Variants in RPH3A observed in about 807,000 individuals in gnomAD.
RPH3A encodes rabphilin-3A.
In RPH3A, 48 loss-of-function variants were observed where a neutral mutation model predicts 102.2. That is an observed-to-expected ratio of 0.47 (90% CI 0.37 to 0.60). The LOEUF (loss-of-function observed/expected upper bound fraction) is 0.60. Among genes scored for constraint, RPH3A ranks in the 20% least tolerant of loss-of-function variants. The pLI, the probability that RPH3A is intolerant of heterozygous loss-of-function variation, is 0.00. For synonymous variants in RPH3A, 310 were observed against 324.3 expected (o/e 0.96, Z 0.47); for missense variants, 781 against 910.1 (o/e 0.86, Z 1.83).
At chr12:112,799,657 T>C (rs769263681) in intron 2 of RPH3A, among the ~76,000 whole-genome samples, 4 of 152,100 alleles carry the variant, frequency 2.6e-5, no homozygotes, top group Non-Finnish European at 5.9e-5. Flanking sequence ...CAGAGGTCAG[T>C]CATGGGCAGG....
chr12:112,840,157 T>A (rs753877471), intron 4 of RPH3A, among the ~76,000 whole-genome samples: 20 of 152,186 alleles, frequency 1.3e-4, no homozygotes, highest in South Asian at 2.1e-4. Context: ...TTTTCCCCAA[T>A]GTTTGTCGCT....
chr12:112,821,955 T>C (rs916043058), intron 2 of RPH3A, among the ~76,000 whole-genome samples: 6 of 150,204 alleles, frequency 4.0e-5, no homozygotes, highest in African/African-American at 1.5e-4. Context: ...TTTTAAGATA[T>C]TGATTGAATT....
intron 1 of RPH3A, among the ~76,000 whole-genome samples, chr12:112,600,279 A>C (rs1375202322): frequency 2.6e-5 from 4 of 152,174 alleles, no homozygotes; most frequent in Non-Finnish European, 2.9e-5. Flanking sequence ...TGCTCTCCCC[A>C]GGTTGTGCTG....
chr12:112,827,233 C>A (rs2041893181), intron 2 of RPH3A, among the ~76,000 whole-genome samples: 1 of 152,192 alleles, frequency 6.6e-6, no homozygotes, highest in African/African-American at 2.4e-5. Flanking sequence ...CCAGCCTGGG[C>A]AACCACTAAT....
In RPH3A at chr12:112,684,250, T is replaced by G. The variant is rs139875436; in HGVS notation, c.-139-107893T>G. 3.6e-4 allele frequency among the ~76,000 whole-genome samples: 55 copies of G among 152,154 alleles called. No individual in the cohort carries two copies. In the East Asian group the frequency reaches 0.01, roughly 28 times the overall value. On this transcript the variant is annotated intron_variant, in intron 1 of 21. Coordinates refer to the RPH3A transcript ENST00000543106. Reference sequence around the variant, plus strand: ...CATATGAGAATATCTATTTTTATTGTTTTTTTGTTTTGCTTTTGTTTTTTT... The same window carrying G: ...CATATGAGAATATCTATTTTTATTGGTTTTTTGTTTTGCTTTTGTTTTTTT...
rs555353855 is a variant in RPH3A at position 112,759,811 on chromosome 12, G to A, written c.-139-32332G>A. 5.8e-4 allele frequency among the ~76,000 whole-genome samples: 88 copies of A among 152,174 alleles called. No homozygotes were observed. In the South Asian group the frequency reaches 0.016, roughly 28 times the overall value. Reference sequence around the variant, plus strand: ...GCCACCACTACATCTCTTCTGGTGCGTATGTCCTTCTGCTCTGCTCCAGCA... The same window carrying A: ...GCCACCACTACATCTCTTCTGGTGCATATGTCCTTCTGCTCTGCTCCAGCA... On this transcript the variant is annotated intron_variant, in intron 1 of 21. Transcript: ENST00000543106.
At chr12:112,637,651 G>T (rs1592919673) in intron 1 of RPH3A, among the ~76,000 whole-genome samples, 1 of 152,136 alleles carries the variant, frequency 6.6e-6, no homozygotes, top group East Asian at 1.9e-4. Flanking sequence ...ACACAGGATT[G>T]AATGCTGAAT....
intron 4 of RPH3A, among the ~76,000 whole-genome samples, chr12:112,837,013 CT>C (rs2042061978): frequency 6.6e-6 from 1 of 152,212 alleles, no homozygotes; most frequent in African/African-American, 2.4e-5. Flanking sequence ...TTTCTCACAA[CT>C]TTTGTGTTTT....
At chr12:112,841,721 T>TTC (rs57326485) in intron 4 of RPH3A, among the ~76,000 whole-genome samples, 3 of 151,282 alleles carry the variant, frequency 2.0e-5, no homozygotes, top group African/African-American at 7.3e-5. Context: ...TTTTTTTTTT[T>TTC]CCATTGCATC....
At chr12:112,801,605 C>T (rs1390060368) in intron 2 of RPH3A, among the ~76,000 whole-genome samples, 2 of 152,116 alleles carry the variant, frequency 1.3e-5, no homozygotes, top group Non-Finnish European at 2.9e-5. Flanking sequence ...GAGAGGGGAA[C>T]TGGCCTCATT....
chr12:112,686,289 G>A (rs2040262496), intron 1 of RPH3A, among the ~76,000 whole-genome samples: 1 of 152,092 alleles, frequency 6.6e-6, no homozygotes, highest in Non-Finnish European at 1.5e-5. Context: ...TCTATCACAT[G>A]TGTGGTAGAT....
intron 4 of RPH3A, among the ~76,000 whole-genome samples, chr12:112,840,808 A>T (rs745634402): frequency 3.3e-5 from 5 of 152,140 alleles, no homozygotes; most frequent in Non-Finnish European, 7.4e-5. Flanking sequence ...CTTCCACCTC[A>T]AAGGCAGCTC....
Position 112,891,018 on chromosome 12 carries a change from TG to T in RPH3A, c.1775+19del. 1 of 1,613,942 alleles carries T rather than the reference TG, an allele frequency of 6.2e-7. No homozygotes were observed. The highest frequency in any genetic ancestry group is 8.5e-7 in the Non-Finnish European group (1 of 1,179,922). ...TTCGTCAAGCTGTAAGTCAATGCCT[TG>T]GGGCTACAGGTGGGCCCTGAAGGAG... On this transcript the variant is annotated intron_variant, in intron 19 of 21. Coordinates refer to ENST00000389385, the MANE Select transcript of RPH3A (RefSeq NM_001143854.2).
intron 1 of RPH3A, among the ~76,000 whole-genome samples, chr12:112,698,797 G>A (rs2136027486): frequency 6.6e-6 from 1 of 152,208 alleles, no homozygotes; most frequent in African/African-American, 2.4e-5. Context: ...AAAACGGTAG[G>A]ATAGTTTTCC....
intron 1 of RPH3A, among the ~76,000 whole-genome samples, chr12:112,764,739 C>T (rs772742860): frequency 2.3e-4 from 35 of 152,020 alleles, no homozygotes; most frequent in Non-Finnish European, 3.2e-4. Flanking sequence ...TCAGCTTTTA[C>T]CTTATGGCTC....
intron 2 of RPH3A, among the ~76,000 whole-genome samples, chr12:112,798,569 G>T (rs375077972): frequency 1.3e-5 from 2 of 152,174 alleles, no homozygotes; most frequent in Admixed American, 1.3e-4. Flanking sequence ...ATGGTTTCTC[G>T]AAGTTCGTTG....
chr12:112,721,454 AAAC>A (rs1211907786), intron 1 of RPH3A, among the ~76,000 whole-genome samples: 122 of 152,368 alleles, frequency 8.0e-4, no homozygotes, highest in Non-Finnish European at 1.5e-3. Flanking sequence ...TCAGGGAAGC[AAAC>A]AGATGGAGGG....
chr12:112,894,405 A>G (rs1440089300), intron 19 of RPH3A, 173 bp from the exon 20 acceptor site: 1 of 638,186 alleles, frequency 1.6e-6, no homozygotes, highest in Non-Finnish European at 2.7e-6. Flanking sequence ...TAAGTTGCTC[A>G]GTCAAGTGCC....
intron 4 of RPH3A, among the ~76,000 whole-genome samples, chr12:112,841,221 A>G (rs1191322065): frequency 7.0e-6 from 1 of 143,578 alleles, no homozygotes; most frequent in African/African-American, 2.5e-5. Flanking sequence ...TATACAAACA[A>G]AAAAGATATT....
Sources: allele counts gnomAD v4.1 joint callset (sites outside exome capture counted in the v4.1 genomes callset), GRCh38; gene constraint gnomAD v4.1.1; transcripts MANE v1.5; gene names NCBI Gene and HGNC (gene_info 2026-07-23, HGNC 2026-07-21).